The following PXYLP1 variants were observed in gnomAD, a reference collection of about 807,000 sequenced individuals.
PXYLP1 encodes acid phosphatase-like 2.
Under a neutral mutation model 37.9 loss-of-function variants are expected in PXYLP1, and 17 were observed. The observed-to-expected ratio is 0.45, with a 90% confidence interval of 0.31 to 0.67. The LOEUF is 0.67. Ranked by LOEUF, PXYLP1 falls within the 30% of genes least tolerant of loss-of-function variation. The pLI is 0.07. For missense variants in PXYLP1, 511 were observed against 612.0 expected (o/e 0.84, Z 1.74); for synonymous variants, 221 against 232.2 (o/e 0.95, Z 0.44).
intron 1 of PXYLP1, among the ~76,000 whole-genome samples, chr3:141,249,470 CTTT>C (rs564313232): frequency 1.1e-4 from 10 of 93,142 alleles, no homozygotes; most frequent in Admixed American, 1.2e-4. Context: ...ACTTTGGAAG[CTTT>C]TTTTTTTTTT....
intron 1 of PXYLP1, among the ~76,000 whole-genome samples, chr3:141,249,998 T>C (rs555310575): frequency 1.3e-5 from 2 of 152,226 alleles, no homozygotes; most frequent in South Asian, 2.1e-4. Flanking sequence ...GGTTAGAACA[T>C]GTAGTTCACA....
chr3:141,265,782 G>T (rs986832129), intron 2 of PXYLP1, among the ~76,000 whole-genome samples: 1 of 152,170 alleles, frequency 6.6e-6, no homozygotes, highest in Non-Finnish European at 1.5e-5. Flanking sequence ...TCTGCCATAG[G>T]TGGAAGTAAA....
At chr3:141,291,064 T>C (rs764621960) in intron 5 of PXYLP1, among the ~76,000 whole-genome samples, 2 of 152,218 alleles carry the variant, frequency 1.3e-5, no homozygotes, top group Admixed American at 6.5e-5. Flanking sequence ...ATACTCTTCA[T>C]GCACAGTAGG....
chr3:141,290,459 A>G (rs556889584), intron 5 of PXYLP1, among the ~76,000 whole-genome samples: 1 of 152,324 alleles, frequency 6.6e-6, no homozygotes, highest in African/African-American at 2.4e-5. Context: ...TGATGTTGTC[A>G]TGGTCCAGCA....
At chr3:141,243,171 C>G (rs73869537) in intron 1 of PXYLP1, among the ~76,000 whole-genome samples, 34,635 of 152,024 alleles carry the variant, frequency 0.23, 5,683 homozygotes, top group African/African-American at 0.47. Flanking sequence ...CCTGCCTGGC[C>G]TGGTCTACTG....
chr3:141,250,770 T>C (rs1304750619), intron 1 of PXYLP1, among the ~76,000 whole-genome samples: 2 of 152,200 alleles, frequency 1.3e-5, no homozygotes, highest in Non-Finnish European at 2.9e-5. Flanking sequence ...TGGCTTCCCA[T>C]TGATGCTTGG....
Position 141,293,909 on chromosome 3 carries a change from T to C in PXYLP1, c.*704T>C, listed in dbSNP as rs1942292830. On this transcript the variant is annotated 3_prime_UTR_variant, in exon 6 of 6. Transcript: ENST00000286353. ...CACTTCCAGCACTTTGAGAACGAGT[T>C]GAATACCAAGAATTATTCAATGGTT... 6.6e-6 allele frequency: 1 copy of C among 152,240 alleles called. No individual in the cohort carries two copies. Among genetic ancestry groups the C allele is most frequent in the Non-Finnish European group, 1.5e-5 (1 of 68,050 alleles). The allele number at this position is 152,240 out of a possible 1,614,324, so 9.4% of individuals were successfully genotyped here. A position where few individuals can be genotyped will look rare whatever the true frequency, so the allele number is the denominator to read the frequency against.
intron 4 of PXYLP1, among the ~76,000 whole-genome samples, chr3:141,281,552 A>G (rs1576603304): frequency 6.6e-6 from 1 of 152,306 alleles, no homozygotes; most frequent in South Asian, 2.1e-4. Flanking sequence ...GAGAAAGAAG[A>G]GGAAGAAATG....
At chr3:141,288,276 C>T (rs1249451474) in intron 5 of PXYLP1, among the ~76,000 whole-genome samples, 1 of 152,228 alleles carries the variant, frequency 6.6e-6, no homozygotes, top group Non-Finnish European at 1.5e-5. Context: ...ATTGGGAAGA[C>T]CCATTGGCCA....
rs2148709155 is a variant in PXYLP1, at chr3:141,248,561, GTATATATATACACACA to G, written c.-53-11560_-53-11545del. Among the ~76,000 whole-genome samples the G allele has an allele frequency of 1.5e-5, 2 of 134,112 alleles. 1 individual carries two copies. Among genetic ancestry groups the G allele is most frequent in the South Asian group, 4.8e-4 (2 of 4,164 alleles). The allele number at this position is 134,112 out of a possible 152,430, so 88.0% of individuals were successfully genotyped here. A position where few individuals can be genotyped will look rare whatever the true frequency, so the allele number is the denominator to read the frequency against. On this transcript the variant is annotated intron_variant, in intron 1 of 5. Coordinates refer to ENST00000286353, the MANE Select transcript of PXYLP1 (RefSeq NM_001037172.3). Reference sequence around the variant, plus strand: ...TACACACACGTATATATACACACGTGTATATATATACACACATGTATATATACACACACGTGTATAT... The same window carrying G: ...TACACACACGTATATATACACACGTGTGTATATATACACACACGTGTATAT...
intron 1 of PXYLP1, among the ~76,000 whole-genome samples, chr3:141,243,758 C>T (rs927398733): frequency 6.6e-6 from 1 of 152,238 alleles, no homozygotes; most frequent in Non-Finnish European, 1.5e-5. Flanking sequence ...CCTCCCAGTC[C>T]ACCTAAGCAC....
chr3:141,284,181 A>G (rs890650446), intron 4 of PXYLP1, among the ~76,000 whole-genome samples: 1 of 152,140 alleles, frequency 6.6e-6, no homozygotes, highest in African/African-American at 2.4e-5. Context: ...AAGGTCTGAA[A>G]TGTGTGTTCC....
In PXYLP1 at chr3:141,265,367, C is replaced by T. The variant is rs1343638457; in HGVS notation, c.79+5113C>T. ...AAAAAAAAAAAAAGCACATTTTGTG[C>T]CCTTCCTTACAGAATCAGAATCTTG... On this transcript the variant is annotated intron_variant, in intron 2 of 5. Transcript: ENST00000286353. Among the ~76,000 whole-genome samples, 19 of 151,820 alleles carry T rather than the reference C, an allele frequency of 1.3e-4. No individual in the cohort carries two copies. In the East Asian group the frequency reaches 2.9e-3, roughly 23 times the overall value.
At position 141,246,127 on chromosome 3, in the gene PXYLP1, T is replaced by TG. The variant is rs553752891; in HGVS notation, c.-53-13990dup. 1.7e-3 allele frequency among the ~76,000 whole-genome samples: 255 copies of TG among 152,164 alleles called. 8 individuals are homozygous for TG. In the South Asian group the frequency reaches 0.052, roughly 31 times the overall value. On this transcript the variant is annotated intron_variant, in intron 1 of 5. Transcript: ENST00000286353. ...GGTGTAATGGGTTTGGAAAGCTTGGTGGGGGGTAGGCTAGCAGTTAGAGGT... is the reference window on the plus strand; with the variant it reads ...GGTGTAATGGGTTTGGAAAGCTTGGTGGGGGGGTAGGCTAGCAGTTAGAGGT...
At position 141,265,083 on chromosome 3, in the gene PXYLP1, C is replaced by A. The variant is rs141592541; in HGVS notation, c.79+4829C>A. Among the ~76,000 whole-genome samples, 782 of 152,288 alleles carry A rather than the reference C, an allele frequency of 5.1e-3. 7 individuals are homozygous for A. The highest frequency in any genetic ancestry group is 0.018 in the African/African-American group (748 of 41,550). ...TCAAGGAGGCAGCTGAGTACAGGTGCTCCTGGCCAAATGTGCAAAGGCAGA... is the reference window on the plus strand; with the variant it reads ...TCAAGGAGGCAGCTGAGTACAGGTGATCCTGGCCAAATGTGCAAAGGCAGA... On this transcript the variant is annotated intron_variant, in intron 2 of 5. Transcript: ENST00000286353.
intron 1 of PXYLP1, among the ~76,000 whole-genome samples, chr3:141,245,204 C>T (rs1483251628): frequency 6.6e-6 from 1 of 151,918 alleles, no homozygotes; most frequent in Non-Finnish European, 1.5e-5. Flanking sequence ...TGCCCGCCAC[C>T]ATGCCCAGCT....
intron 1 of PXYLP1, among the ~76,000 whole-genome samples, chr3:141,242,750 T>C (rs1039238312): frequency 6.6e-6 from 1 of 152,154 alleles, no homozygotes; most frequent in Non-Finnish European, 1.5e-5. Context: ...ATGCAAATAA[T>C]AATGAGAACG....
chr3:141,240,810 C>T (rs953764964), intron 1 of PXYLP1, among the ~76,000 whole-genome samples: 4 of 152,218 alleles, frequency 2.6e-5, no homozygotes, highest in Non-Finnish European at 5.9e-5. Context: ...TTCTGAATCC[C>T]TGCTTCTGTT....
intron 4 of PXYLP1, among the ~76,000 whole-genome samples, chr3:141,282,098 C>T (rs1941968525): frequency 6.6e-6 from 1 of 152,122 alleles, no homozygotes; most frequent in Non-Finnish European, 1.5e-5. Context: ...TCAGAATCCA[C>T]ATCCTTAAAG....
Sources: gnomAD v4.1 joint callset for allele counts (sites outside exome capture counted in the v4.1 genomes callset) on GRCh38, gnomAD v4.1.1 for gene constraint, MANE v1.5 for transcripts, NCBI Gene and HGNC (gene_info 2026-07-23, HGNC 2026-07-21) for gene names.